IRF8: variants seen among roughly 807,000 people sequenced by gnomAD.
IRF8 encodes the protein interferon regulatory factor 8.
In IRF8, 14 loss-of-function variants were observed where a neutral mutation model predicts 48.7. That is an observed-to-expected ratio of 0.29 (90% CI 0.19 to 0.45). IRF8 has a LOEUF of 0.45. Among genes scored for constraint, IRF8 ranks in the 20% least tolerant of loss-of-function variants. The pLI is 1.00. For synonymous variants in IRF8, 278 were observed against 227.3 expected, an observed-to-expected ratio of 1.22 and a Z score of -2.01; for missense variants, 493 against 580.7, an observed-to-expected ratio of 0.85 and a Z score of 1.55.
chr16:85,916,910 C>G (rs1905327590), intron 6 of IRF8, among the ~76,000 whole-genome samples: 1 of 152,080 alleles, frequency 6.6e-6, no homozygotes, highest in African/African-American at 2.4e-5. Flanking sequence ...CTGGGTGACC[C>G]TATCTAGGAT....
At chr16:85,906,353 GC>G (rs986945179) in intron 2 of IRF8, among the ~76,000 whole-genome samples, 1 of 152,172 alleles carries the variant, frequency 6.6e-6, no homozygotes, top group African/African-American at 2.4e-5. Context: ...GGGTGGGGGG[GC>G]CCTGAAATCA....
In IRF8 at chr16:85,904,158, C is replaced by T. The variant is rs979445980; in HGVS notation, c.174+969C>T. ...AGGTCAAGGTCAAGCTAGACTTCCA[C>T]GTTTGCCAGTGTGGACACTACACGT... On this transcript the variant is annotated intron_variant, in intron 2 of 8. Transcript: ENST00000268638. Among the ~76,000 whole-genome samples the T allele has an allele frequency of 5.3e-5, 8 of 152,310 alleles. 2 individuals are homozygous for T. Among genetic ancestry groups the T allele is most frequent in the East Asian group, 1.9e-4 (1 of 5,186 alleles).
intron 5 of IRF8, among the ~76,000 whole-genome samples, chr16:85,913,661 C>G (rs1318548994): frequency 6.6e-6 from 1 of 152,166 alleles, no homozygotes; most frequent in Non-Finnish European, 1.5e-5. Flanking sequence ...CAAAGAGAGC[C>G]CAGGGCATTT....
intron 6 of IRF8, chr16:85,918,204 T>G (rs1434108323): frequency 3.4e-6 from 2 of 580,632 alleles, no homozygotes; most frequent in Non-Finnish European, 6.0e-6. Flanking sequence ...GTTAATATGT[T>G]CAGTCATTGG....
rs760479382 is a variant in IRF8 at position 85,913,266 on chromosome 16, A to G, written c.553+30A>G. On this transcript the variant is annotated intron_variant, in intron 5 of 8. Coordinates refer to ENST00000268638, the MANE Select transcript of IRF8 (RefSeq NM_002163.4). ...GGGTGGGTGGCCTAGAATTGTCACCAGGCATGGCCTGAAGGGTTTACGGCA... is the reference window on the plus strand; with the variant it reads ...GGGTGGGTGGCCTAGAATTGTCACCGGGCATGGCCTGAAGGGTTTACGGCA... 4 of 1,491,758 alleles carry G rather than the reference A, an allele frequency of 2.7e-6. No homozygotes were observed. In the East Asian group the frequency reaches 9.0e-5, roughly 34 times the overall value. The allele number at this position is 1,491,758 out of a possible 1,614,324, so 92.4% of individuals were successfully genotyped here.
intron 2 of IRF8, among the ~76,000 whole-genome samples, chr16:85,905,542 G>A (rs1049660159): frequency 5.9e-5 from 9 of 152,188 alleles, no homozygotes; most frequent in East Asian, 1.9e-4. Context: ...AGGGAGACGC[G>A]GGTGCCCACT....
At chr16:85,899,523 T>C (rs893173470) in intron 1 of IRF8, among the ~76,000 whole-genome samples, 1 of 152,348 alleles carries the variant, frequency 6.6e-6, no homozygotes, top group Non-Finnish European at 1.5e-5. Flanking sequence ...AGAGCTCATA[T>C]AATGAACGGC....
intron 2 of IRF8, among the ~76,000 whole-genome samples, chr16:85,906,697 A>G (rs1905014562): frequency 6.6e-6 from 1 of 152,226 alleles, no homozygotes; most frequent in Non-Finnish European, 1.5e-5. Context: ...GTGCATTTCA[A>G]GGCCCGTTTG....
intron 7 of IRF8, 80 bp downstream of exon 7, chr16:85,918,883 G>A: frequency 6.4e-7 from 1 of 1,563,202 alleles, no homozygotes; most frequent in Non-Finnish European, 8.7e-7. Context: ...AGCTCAGGGT[G>A]GCCCTGTGGT....
Position 85,903,207 on chromosome 16 carries a change from C to T in IRF8, c.174+18C>T. The T allele has an allele frequency of 5.6e-6, 9 of 1,608,222 alleles. No homozygotes were observed. Among genetic ancestry groups the T allele is most frequent in the Non-Finnish European group, 7.7e-6 (9 of 1,176,252 alleles). ...TTTTTAAGGTAAAGAGCCCAGCTCC[C>T]TTCCCCACTGTGGGCACAGTGTCTC... On this transcript the variant is annotated intron_variant, in intron 2 of 8. Transcript: ENST00000268638.
chr16:85,915,159 C>G (rs1463258897), intron 6 of IRF8, among the ~76,000 whole-genome samples: 1 of 152,196 alleles, frequency 6.6e-6, no homozygotes, highest in Non-Finnish European at 1.5e-5. Flanking sequence ...CCGCGGTGGG[C>G]AGAGGTGGCC....
In IRF8 at chr16:85,915,496, C is replaced by G. The variant is rs754036763; in HGVS notation, c.601+976C>G. On this transcript the variant is annotated intron_variant, in intron 6 of 8. Transcript: ENST00000268638. ...ATGGCAATGCCCTGTCCATGAAGCT[C>G]TTGTCTATTTCCTGGCAGCCCTTTG... is the stretch of plus-strand genomic sequence containing the variant. Among the ~76,000 whole-genome samples the G allele has an allele frequency of 6.4e-4, 97 of 152,242 alleles. 2 individuals carry two copies. The highest frequency in any genetic ancestry group is 3.7e-4 in the Non-Finnish European group (25 of 68,042).
intron 2 of IRF8, among the ~76,000 whole-genome samples, chr16:85,904,810 A>ACCTTTTTT (rs1904940850): frequency 1.5e-5 from 1 of 64,636 alleles, no homozygotes; most frequent in African/African-American, 1.1e-4. Flanking sequence ...TTGATTGCAG[A>ACCTTTTTT]TCTTTTTTTT....
rs997972028 is a variant in IRF8 at position 85,920,133 on chromosome 16, A to G, written c.1013A>G (p.Gln338Arg). The G allele has an allele frequency of 1.2e-6, 2 of 1,613,074 alleles. No individual in the cohort carries two copies. Among genetic ancestry groups the G allele is most frequent in the Non-Finnish European group, 1.7e-6 (2 of 1,179,484 alleles). ...GAGCTGCAGCAGTTCTATAACAGCC[A>G]GGGCCGGCTTCCTGACGGCAGGGTG... Reference protein sequence around the residue: ...FRELQQFYNSQGRLPDGRVVL... With the variant: ...FRELQQFYNSRGRLPDGRVVL... Residue 338 changes from glutamine (Q) to arginine (R), a missense_variant, in exon 8 of 9, where the codon CAG (glutamine) becomes CGG (arginine). Physicochemically the swap from Gln to Arg is conservative, Grantham distance 43 (BLOSUM62 1). This residue lies in a region of IRF8 where 408 missense variants were observed against 449.6 expected (regional missense o/e 0.91). Coordinates refer to ENST00000268638, the MANE Select transcript of IRF8 (RefSeq NM_002163.4).
rs868633854 is a variant in IRF8, at chr16:85,913,062, C to T, written c.448-69C>T. ...CTTACACATGAACTGTTCATTTTTA[C>T]AAACACTGGAGCCCCAGGTGGGAGA... On this transcript the variant is annotated intron_variant, in intron 4 of 8. Transcript: ENST00000268638. 5.5e-6 allele frequency: 6 copies of T among 1,088,828 alleles called. No individual in the cohort carries two copies. The African/African-American group carries it at 9.3e-5, about 17-fold the overall frequency. 67.4% of individuals were successfully genotyped at this position (1,088,828 alleles called of 1,614,324 possible).
intron 6 of IRF8, among the ~76,000 whole-genome samples, chr16:85,916,665 C>T: frequency 6.6e-6 from 1 of 152,108 alleles, no homozygotes; most frequent in Middle Eastern, 3.2e-3. Context: ...AAGATAAGGC[C>T]CCGGAAATGA....
chr16:85,915,674 C>T (rs981804538), intron 6 of IRF8, among the ~76,000 whole-genome samples: 1 of 152,236 alleles, frequency 6.6e-6, no homozygotes, highest in Admixed American at 6.5e-5. Context: ...GGTCTCAGTT[C>T]TGGGAGGCCT....
At chr16:85,900,628 G>A (rs1331393995) in intron 1 of IRF8, among the ~76,000 whole-genome samples, 1 of 152,196 alleles carries the variant, frequency 6.6e-6, no homozygotes, top group African/African-American at 2.4e-5. Flanking sequence ...GCGCCGGCCT[G>A]GGTTCCAACA....
intron 7 of IRF8, among the ~76,000 whole-genome samples, 158 bp downstream of exon 7, chr16:85,918,961 C>T (rs1905433500): frequency 6.6e-6 from 1 of 152,190 alleles, no homozygotes; most frequent in South Asian, 2.1e-4. Context: ...TTGAATGGCA[C>T]TCTGCCCTCT....
Sources: gnomAD v4.1 joint callset for allele counts (sites outside exome capture counted in the v4.1 genomes callset) on GRCh38, gnomAD v4.1.1 for gene constraint, gnomAD v4.1.1 regional missense constraint, MANE v1.5 for transcripts, NCBI Gene and HGNC (gene_info 2026-07-23, HGNC 2026-07-21) for gene names.